The following THSD7A variants were observed in gnomAD, a reference collection of about 807,000 sequenced individuals.
THSD7A encodes thrombospondin type-1 domain-containing protein 7A.
Under a neutral mutation model 231.3 loss-of-function variants are expected in THSD7A, and 96 were observed. The observed-to-expected ratio is 0.41, with a 90% CI of 0.35 to 0.49. THSD7A has a LOEUF of 0.49. THSD7A is among the 20% of genes least tolerant of loss of function. The pLI is 0.05. For synonymous variants in THSD7A, 940 were observed against 743.3 expected, an observed-to-expected ratio of 1.26 and a Z score of -4.30; for missense variants, 2,290 against 2,070.2, an observed-to-expected ratio of 1.11 and a Z score of -2.06.
chr7:11,540,513 C>G (rs1307883843), intron 6 of THSD7A, among the ~76,000 whole-genome samples: 1 of 152,202 alleles, frequency 6.6e-6, no homozygotes, highest in Non-Finnish European at 1.5e-5. Context: ...CTGTAAACAG[C>G]ATAAACTGTC....
At chr7:11,732,640 C>T (rs969086027) in intron 1 of THSD7A, among the ~76,000 whole-genome samples, 4 of 151,600 alleles carry the variant, frequency 2.6e-5, no homozygotes, top group African/African-American at 4.8e-5. Context: ...CCACCACTTC[C>T]ACCACCACCA....
chr7:11,564,289 T>G (rs1348873340), intron 4 of THSD7A, among the ~76,000 whole-genome samples: 1 of 152,176 alleles, frequency 6.6e-6, no homozygotes, highest in East Asian at 1.9e-4. Flanking sequence ...GAGGGAGTTA[T>G]CACGTGGACA....
chr7:11,620,400 G>T (rs1415496285), intron 2 of THSD7A, among the ~76,000 whole-genome samples: 2 of 151,948 alleles, frequency 1.3e-5, no homozygotes, highest in Admixed American at 1.3e-4. Flanking sequence ...TTTCACTAAT[G>T]AAATAATAAA....
intron 1 of THSD7A, chr7:11,820,757 T>C (rs1223039708): frequency 5.8e-6 from 7 of 1,212,364 alleles, no homozygotes; most frequent in Non-Finnish European, 8.6e-6. Flanking sequence ...TTCTGCTTTG[T>C]AGGAGTGAGA....
chr7:11,655,974 A>G (rs1782688154), intron 1 of THSD7A, among the ~76,000 whole-genome samples: 1 of 151,874 alleles, frequency 6.6e-6, no homozygotes. Flanking sequence ...TGACTTGAGG[A>G]ACTAGATCTT....
chr7:11,573,427 A>G (rs1401156185), intron 4 of THSD7A, among the ~76,000 whole-genome samples: 1 of 152,194 alleles, frequency 6.6e-6, no homozygotes, highest in African/African-American at 2.4e-5. Flanking sequence ...TTGCTCAGCT[A>G]CACCTGACAC....
intron 1 of THSD7A, among the ~76,000 whole-genome samples, chr7:11,690,945 A>G (rs1289504597): frequency 1.3e-5 from 2 of 151,690 alleles, no homozygotes; most frequent in African/African-American, 2.4e-5. Context: ...TTGAGGTGGT[A>G]TAGTCACAGA....
At chr7:11,751,859 G>A (rs1782513154) in intron 1 of THSD7A, among the ~76,000 whole-genome samples, 1 of 151,952 alleles carries the variant, frequency 6.6e-6, no homozygotes, top group Non-Finnish European at 1.5e-5. Flanking sequence ...GGTCGGGACT[G>A]TCCCTTACTG....
chr7:11,640,351 G>C (rs1334038082), intron 1 of THSD7A, among the ~76,000 whole-genome samples: 1 of 152,064 alleles, frequency 6.6e-6, no homozygotes, highest in African/African-American at 2.4e-5. Context: ...ATTAATTGTG[G>C]ATAAAGACAA....
intron 1 of THSD7A, among the ~76,000 whole-genome samples, chr7:11,639,201 ATAT>A: frequency 6.6e-6 from 1 of 152,204 alleles, no homozygotes; most frequent in East Asian, 1.9e-4. Context: ...ACTTCCTGAT[ATAT>A]TATTTTTTTC....
At chr7:11,454,525 A>C (rs1462136552) in intron 11 of THSD7A, among the ~76,000 whole-genome samples, 2 of 149,950 alleles carry the variant, frequency 1.3e-5, no homozygotes, top group Admixed American at 6.7e-5. Flanking sequence ...CTATATTTAA[A>C]TGCTGTGTCT....
At chr7:11,612,876 C>T (rs1400559894) in intron 2 of THSD7A, among the ~76,000 whole-genome samples, 1 of 152,120 alleles carries the variant, frequency 6.6e-6, no homozygotes, top group Non-Finnish European at 1.5e-5. Flanking sequence ...TATTATAAAC[C>T]TGTTGACCTT....
At position 11,584,887 on chromosome 7, in the gene THSD7A, T is replaced by A. The variant is rs114923520; in HGVS notation, c.1453+5573A>T. On this transcript the variant is annotated intron_variant, in intron 4 of 27. Transcript: ENST00000423059. ...AGATAAAAGGCAGTGTGAGTGCGAA[T>A]ATAGCCTCTTTGTGAAACAGAATTT... 7.6e-3 allele frequency among the ~76,000 whole-genome samples: 1,163 copies of A among 152,276 alleles called. 12 individuals carry two copies. Among genetic ancestry groups the A allele is most frequent in the Non-Finnish European group, 0.012 (812 of 68,016 alleles).
intron 9 of THSD7A, among the ~76,000 whole-genome samples, chr7:11,469,496 C>T (rs1049036169): frequency 6.6e-6 from 1 of 151,960 alleles, no homozygotes. Flanking sequence ...AAATCTGGTC[C>T]CATGTTATTT....
At chr7:11,737,061 C>A (rs548567139) in intron 1 of THSD7A, among the ~76,000 whole-genome samples, 37 of 152,124 alleles carry the variant, frequency 2.4e-4, no homozygotes, top group African/African-American at 8.7e-4. Flanking sequence ...TTTCCTGAGG[C>A]CTCCCCAACC....
chr7:11,493,187 A>T (rs1051758677), intron 6 of THSD7A, among the ~76,000 whole-genome samples: 1 of 152,140 alleles, frequency 6.6e-6, no homozygotes, highest in African/African-American at 2.4e-5. Flanking sequence ...GTGTCTATTA[A>T]TCAAACCAAA....
At chr7:11,536,722 C>T (rs565598250) in intron 6 of THSD7A, among the ~76,000 whole-genome samples, 7 of 152,132 alleles carry the variant, frequency 4.6e-5, no homozygotes, top group African/African-American at 1.4e-4. Context: ...TTAATAAGCT[C>T]GATGCATCTT....
At chr7:11,378,854 C>T in intron 26 of THSD7A, 1 of 539,212 alleles carries the variant, frequency 1.9e-6, no homozygotes, top group African/African-American at 1.9e-5. Context: ...AATTTTTTCT[C>T]AGAAGAATGT....
chr7:11,671,525 G>C (rs1783393095), intron 1 of THSD7A, among the ~76,000 whole-genome samples: 1 of 152,104 alleles, frequency 6.6e-6, no homozygotes, highest in African/African-American at 2.4e-5. Flanking sequence ...GTAATTTGCA[G>C]TTTGCTGAAT....
Sources: allele counts gnomAD v4.1 joint callset (sites outside exome capture counted in the v4.1 genomes callset), GRCh38; gene constraint gnomAD v4.1.1; transcripts MANE v1.5; gene names NCBI Gene and HGNC (gene_info 2026-07-23, HGNC 2026-07-21).